Variants in CTNND2 observed in about 807,000 individuals in gnomAD.
CTNND2 encodes catenin delta 2.
In CTNND2, 22 loss-of-function variants were observed where a neutral mutation model predicts 144.4. The observed-to-expected ratio is 0.15, with a 90% CI of 0.11 to 0.22. The LOEUF (loss-of-function observed/expected upper bound fraction) is 0.22. Ranked by LOEUF, CTNND2 falls within the 10% of genes least tolerant of loss-of-function variation. The pLI is 1.00. For synonymous variants in CTNND2, 751 were observed against 695.6 expected (o/e 1.08, Z -1.25); for missense variants, 1,353 against 1,618.8 (o/e 0.84, Z 2.82).
chr5:11,330,459 G>A (rs796565100), intron 9 of CTNND2, among the ~76,000 whole-genome samples: 25 of 139,134 alleles, frequency 1.8e-4, no homozygotes, highest in African/African-American at 6.6e-4. Context: ...ACTCCAGCCT[G>A]GGTGACAGAG....
At chr5:11,515,465 A>G (rs1027619840) in intron 3 of CTNND2, among the ~76,000 whole-genome samples, 4 of 152,170 alleles carry the variant, frequency 2.6e-5, no homozygotes, top group Non-Finnish European at 4.4e-5. Flanking sequence ...ATGTGCATAA[A>G]CTTTTTAAAT....
chr5:11,468,780 A>C (rs1020520794), intron 3 of CTNND2, among the ~76,000 whole-genome samples: 2 of 152,040 alleles, frequency 1.3e-5, no homozygotes, highest in Non-Finnish European at 2.9e-5. Flanking sequence ...CTGATTATTC[A>C]TGGTGACTCA....
chr5:11,569,676 G>C (rs186127891), intron 2 of CTNND2, among the ~76,000 whole-genome samples: 1 of 152,056 alleles, frequency 6.6e-6, no homozygotes, highest in African/African-American at 2.4e-5. Context: ...AGTTGGGATG[G>C]TATCATCCAG....
Position 11,397,050 on chromosome 5 carries a change from G to T in CTNND2, c.593C>A (p.Thr198Lys). 1 of 1,613,588 alleles carries T rather than the reference G, an allele frequency of 6.2e-7. No homozygotes were observed. Among genetic ancestry groups the T allele is most frequent in the Non-Finnish European group, 8.5e-7 (1 of 1,179,978 alleles). The change falls in exon 6 of 22, where the codon ACG (threonine) becomes AAG (lysine). Residue 198 changes from threonine to lysine, a missense_variant. Thr to Lys is a moderately conservative substitution (Grantham distance 78, BLOSUM62 -1). Coordinates refer to ENST00000304623, the MANE Select transcript of CTNND2 (RefSeq NM_001332.4). ...LPARGTQARATGQSFSQGTTS... is the reference protein window; with the variant it reads ...LPARGTQARAKGQSFSQGTTS... ...ACCTACCTGGCTGAAGCTCTGGCCC[G>T]TAGCTCGGGCTTGTGTGCCTCGGGC...
chr5:11,707,504 G>T (rs1446202820), intron 2 of CTNND2, among the ~76,000 whole-genome samples: 1 of 152,122 alleles, frequency 6.6e-6, no homozygotes, highest in Non-Finnish European at 1.5e-5. Flanking sequence ...AAAGGAGTCT[G>T]GGAAATATAT....
intron 2 of CTNND2, among the ~76,000 whole-genome samples, chr5:11,623,667 A>G (rs529876352): frequency 6.6e-6 from 1 of 151,784 alleles, no homozygotes; most frequent in South Asian, 2.1e-4. Flanking sequence ...AACAGAAAAA[A>G]GTAGTGGTTA....
chr5:11,541,493 A>G (rs1180945449), intron 3 of CTNND2, among the ~76,000 whole-genome samples: 1 of 152,128 alleles, frequency 6.6e-6, no homozygotes, highest in East Asian at 1.9e-4. Flanking sequence ...ACATAGGAGG[A>G]GAGAACACAT....
In CTNND2 at chr5:11,149,385, C is replaced by G. The variant is rs536731916; in HGVS notation, c.2159+10191G>C. On this transcript the variant is annotated intron_variant, in intron 12 of 21. Coordinates refer to ENST00000304623, the MANE Select transcript of CTNND2 (RefSeq NM_001332.4). ...CCCGGGAAGAACAATGGTCTGGACA[C>G]GGAAGTCCAGACAGGACTATTATGG... Among the ~76,000 whole-genome samples, 4 of 152,282 alleles carry G rather than the reference C, an allele frequency of 2.6e-5. No homozygotes were observed. The East Asian group carries it at 5.8e-4, about 22-fold the overall frequency.
At chr5:11,649,561 T>C (rs367627850) in intron 2 of CTNND2, among the ~76,000 whole-genome samples, 1 of 152,156 alleles carries the variant, frequency 6.6e-6, no homozygotes, top group African/African-American at 2.4e-5. Context: ...GTGATCCACC[T>C]GCCTCAGCCT....
At chr5:11,572,175 T>A (rs560085905) in intron 2 of CTNND2, among the ~76,000 whole-genome samples, 4 of 152,238 alleles carry the variant, frequency 2.6e-5, no homozygotes, top group African/African-American at 9.6e-5. Context: ...ACGCCCCAGG[T>A]CTTTGTGACA....
At chr5:11,383,731 G>C (rs1005620070) in intron 7 of CTNND2, among the ~76,000 whole-genome samples, 14 of 152,198 alleles carry the variant, frequency 9.2e-5, no homozygotes, top group African/African-American at 3.4e-4. Context: ...CACAGCATCT[G>C]TTACTAGAGT....
chr5:11,344,517 A>G (rs1386983364), intron 9 of CTNND2, among the ~76,000 whole-genome samples: 2 of 152,208 alleles, frequency 1.3e-5, no homozygotes, highest in African/African-American at 2.4e-5. Context: ...CCCTTTTATA[A>G]TAAACCACAA....
chr5:11,080,718 C>T (rs2149631062), intron 16 of CTNND2, among the ~76,000 whole-genome samples: 1 of 152,240 alleles, frequency 6.6e-6, no homozygotes, highest in East Asian at 1.9e-4. Flanking sequence ...TGAAATGAGC[C>T]ACTTACATAT....
chr5:11,257,598 A>T lies in CTNND2; in HGVS notation c.1629-20775T>A, dbSNP rs116377134. Among the ~76,000 whole-genome samples the T allele has an allele frequency of 2.5e-4, 38 of 152,270 alleles. 1 individual carries two copies. Among genetic ancestry groups the T allele is most frequent in the African/African-American group, 8.9e-4 (37 of 41,546 alleles). On this transcript the variant is annotated intron_variant, in intron 9 of 21. Transcript: ENST00000304623. ...TGAGAACTCACTCATTATCAATGAGAACAGCATGGGAGAAACCACCCTTAT... is the reference window on the plus strand; with the variant it reads ...TGAGAACTCACTCATTATCAATGAGTACAGCATGGGAGAAACCACCCTTAT...
At chr5:11,639,047 A>G (rs1231501211) in intron 2 of CTNND2, among the ~76,000 whole-genome samples, 1 of 152,176 alleles carries the variant, frequency 6.6e-6, no homozygotes, top group Non-Finnish European at 1.5e-5. Context: ...AACTATCTAC[A>G]TTGGTAGTCT....
At position 11,903,371 on chromosome 5, in the gene CTNND2, G is replaced by T; in HGVS notation, c.37+446C>A. On this transcript the variant is annotated intron_variant, in intron 1 of 21. Coordinates refer to ENST00000304623, the MANE Select transcript of CTNND2 (RefSeq NM_001332.4). This position sits in a 1 kb window ranked among gnomAD's most constrained non-coding sequence, Gnocchi z 5.4. ...GACTAAGTCTTTCCATTTTGTTCTA[G>T]CCAAACATCGTAATGACATTGAACA... 1 of 997,052 alleles carries T rather than the reference G, an allele frequency of 1.0e-6. No homozygotes were observed. Among genetic ancestry groups the T allele is most frequent in the Non-Finnish European group, 1.2e-6 (1 of 838,090 alleles). The allele number at this position is 997,052 out of a possible 1,614,324, so 61.8% of individuals were successfully genotyped here. A position where few individuals can be genotyped will look rare whatever the true frequency, so the allele number is the denominator to read the frequency against.
chr5:11,553,178 C>T (rs1775917169), intron 3 of CTNND2, among the ~76,000 whole-genome samples: 1 of 152,184 alleles, frequency 6.6e-6, no homozygotes, highest in African/African-American at 2.4e-5. Flanking sequence ...TTTACTATCA[C>T]ACAATATTGA....
intron 2 of CTNND2, among the ~76,000 whole-genome samples, chr5:11,679,450 C>T (rs757224179): frequency 3.9e-5 from 6 of 152,064 alleles, no homozygotes; most frequent in Non-Finnish European, 5.9e-5. Context: ...TCTTTAGGCC[C>T]GTTATGCTGG....
At chr5:11,488,278 T>C (rs556715350) in intron 3 of CTNND2, among the ~76,000 whole-genome samples, 2 of 152,326 alleles carry the variant, frequency 1.3e-5, no homozygotes, top group African/African-American at 2.4e-5. Context: ...GGATCAGATG[T>C]ATTATGAATG....
Sources: gnomAD v4.1 joint callset for allele counts (sites outside exome capture counted in the v4.1 genomes callset) on GRCh38, gnomAD v4.1.1 for gene constraint, Gnocchi (gnomAD v3.1) non-coding constraint, MANE v1.5 for transcripts, NCBI Gene and HGNC (gene_info 2026-07-23, HGNC 2026-07-21) for gene names.